The following FILIP1L variants were observed in gnomAD, a reference collection of about 807,000 sequenced individuals.
The protein encoded by FILIP1L is filamin A-interacting protein 1-like.
In FILIP1L, 55 loss-of-function variants were observed where a neutral mutation model predicts 96.6. That is an observed-to-expected ratio of 0.57 (90% CI 0.46 to 0.71). The LOEUF (loss-of-function observed/expected upper bound fraction) is 0.71. Among genes scored for constraint, FILIP1L ranks in the 30% least tolerant of loss-of-function variants. FILIP1L has a pLI of 0.00. For missense variants in FILIP1L, 1,304 were observed against 1,321.2 expected (o/e 0.99, Z 0.20); for synonymous variants, 467 against 473.9 (o/e 0.99, Z 0.19).
intron 1 of FILIP1L, among the ~76,000 whole-genome samples, chr3:100,071,090 C>T (rs367675958): frequency 3.8e-4 from 27 of 70,574 alleles, no homozygotes; most frequent in East Asian, 9.8e-4. Flanking sequence ...GCTACTCTCT[C>T]TTTTTTTTTT....
chr3:99,972,408 C>G (rs1708849202), intron 1 of FILIP1L, among the ~76,000 whole-genome samples: 1 of 152,210 alleles, frequency 6.6e-6, no homozygotes. Flanking sequence ...TGAGAAGCCT[C>G]TGTCTTGCAG....
In FILIP1L at chr3:99,829,020, G is replaced by T. The variant is rs1266159901; in HGVS notation, c.*1394C>A. On this transcript the variant is annotated 3_prime_UTR_variant, in exon 6 of 6. Transcript: ENST00000477258. Reference sequence around the variant, plus strand: ...CCTTCTCCTCCTTGAAATTGCAGGGGCCTGGGGGTGTTTGTACAGTGGCAT... The same window carrying T: ...CCTTCTCCTCCTTGAAATTGCAGGGTCCTGGGGGTGTTTGTACAGTGGCAT... 6.6e-6 allele frequency among the ~76,000 whole-genome samples: 1 copy of T among 151,952 alleles called. No homozygotes were observed. The highest frequency in any genetic ancestry group is 6.6e-5 in the Admixed American group (1 of 15,260).
intron 1 of FILIP1L, among the ~76,000 whole-genome samples, chr3:99,983,134 A>C (rs1017721027): frequency 6.6e-6 from 1 of 151,542 alleles, no homozygotes; most frequent in African/African-American, 2.4e-5. Flanking sequence ...CTATTATCTC[A>C]CTTGCCTTAA....
chr3:100,082,805 G>A (rs748286196), intron 1 of FILIP1L, among the ~76,000 whole-genome samples: 3 of 152,166 alleles, frequency 2.0e-5, no homozygotes, highest in Non-Finnish European at 4.4e-5. Context: ...CAGCATGGTA[G>A]TCATAGACTT....
At position 99,916,437 on chromosome 3, in the gene FILIP1L, T is replaced by TACACACACACAC. The variant is rs10529210; in HGVS notation, c.605+7781_605+7792dup. On this transcript the variant is annotated intron_variant, in intron 4 of 5. Transcript: ENST00000477258. Reference sequence around the variant, plus strand: ...GCCAACACTTTATAATAACGGTTTATACACACACACACACACACACACACA... The same window carrying TACACACACACAC: ...GCCAACACTTTATAATAACGGTTTATACACACACACACACACACACACACACACACACACACA... 5.2e-3 allele frequency among the ~76,000 whole-genome samples: 715 copies of TACACACACACAC among 137,140 alleles called. 10 individuals are homozygous for TACACACACACAC. The highest frequency in any genetic ancestry group is 0.018 in the African/African-American group (653 of 35,966). 90.0% of individuals were successfully genotyped at this position (137,140 alleles called of 152,430 possible). A position where few individuals can be genotyped will look rare whatever the true frequency, so the allele number is the denominator to read the frequency against.
chr3:100,080,204 A>C (rs555316462), intron 1 of FILIP1L, among the ~76,000 whole-genome samples: 66 of 152,234 alleles, frequency 4.3e-4, no homozygotes, highest in African/African-American at 1.6e-3. Flanking sequence ...GGCTGGTCTC[A>C]AACTCCTGAG....
intron 4 of FILIP1L, among the ~76,000 whole-genome samples, chr3:99,901,671 A>G (rs1043422179): frequency 9.9e-5 from 15 of 152,228 alleles, no homozygotes; most frequent in African/African-American, 3.4e-4. Flanking sequence ...CTCTTTGCAT[A>G]ATCAAGTTGT....
intron 1 of FILIP1L, among the ~76,000 whole-genome samples, chr3:100,066,517 C>CTTTTTTTTTTTTTTTTTTTTTTTTTTTT (rs545356638): frequency 2.6e-5 from 1 of 38,304 alleles, no homozygotes; most frequent in Non-Finnish European, 4.4e-5. Flanking sequence ...GGCTTTGCTT[C>CTTTTTTTTTTTTTTTTTTTTTTTTTTTT]TTTTTTTTTT....
intron 1 of FILIP1L, among the ~76,000 whole-genome samples, chr3:100,046,970 A>G (rs137902268): frequency 0.015 from 2,320 of 152,340 alleles, 54 homozygotes; most frequent in African/African-American, 0.052. Flanking sequence ...ATGGAGAAAG[A>G]GGCTGTTATT....
In FILIP1L at chr3:100,025,790, G is replaced by A. The variant is rs565214628; in HGVS notation, c.-11+88263C>T. Among the ~76,000 whole-genome samples, 367 of 152,270 alleles carry A rather than the reference G, an allele frequency of 2.4e-3. 1 individual carries two copies. The highest frequency in any genetic ancestry group is 8.3e-3 in the African/African-American group (346 of 41,566). On this transcript the variant is annotated intron_variant, in intron 1 of 5. Transcript: ENST00000477258. ...GATTCACATATACATTAGAGTTTGA[G>A]AAGCTCTGCTGTAGTCGACCTCCAT...
intron 5 of FILIP1L, among the ~76,000 whole-genome samples, chr3:99,840,910 T>G (rs1474719837): frequency 2.0e-5 from 3 of 152,238 alleles, no homozygotes; most frequent in Non-Finnish European, 4.4e-5. Context: ...TACTGTGGTC[T>G]TCCTTAATCT....
intron 4 of FILIP1L, among the ~76,000 whole-genome samples, chr3:99,909,494 A>G (rs962481702): frequency 3.3e-5 from 5 of 152,198 alleles, no homozygotes; most frequent in Non-Finnish European, 5.9e-5. Context: ...AAATTTGTGA[A>G]TAATGAAAAG....
chr3:99,873,009 C>G (rs1320293570), intron 4 of FILIP1L, among the ~76,000 whole-genome samples: 1 of 151,820 alleles, frequency 6.6e-6, no homozygotes, highest in African/African-American at 2.4e-5. Flanking sequence ...CAAAATGACT[C>G]AAAACATGAA....
chr3:100,076,492 T>C (rs1186258090), intron 1 of FILIP1L, among the ~76,000 whole-genome samples: 1 of 152,252 alleles, frequency 6.6e-6, no homozygotes, highest in Non-Finnish European at 1.5e-5. Context: ...CTATTTCTGT[T>C]ATATTGCAAA....
intron 1 of FILIP1L, among the ~76,000 whole-genome samples, chr3:99,957,964 T>A (rs2107698398): frequency 6.6e-6 from 1 of 150,444 alleles, no homozygotes; most frequent in South Asian, 2.1e-4. Flanking sequence ...AAACAGCACA[T>A]CACAAAGCAT....
chr3:99,988,907 C>T (rs1361801251), intron 1 of FILIP1L, among the ~76,000 whole-genome samples: 4 of 152,144 alleles, frequency 2.6e-5, no homozygotes, highest in East Asian at 1.9e-4. Context: ...TTTCAGCACT[C>T]GGAGTAATTG....
chr3:99,950,122 G>A (rs1194710925), intron 1 of FILIP1L, among the ~76,000 whole-genome samples: 1 of 152,178 alleles, frequency 6.6e-6, no homozygotes, highest in Non-Finnish European at 1.5e-5. Flanking sequence ...ACAAAAGTAG[G>A]TAAAGTTTAT....
chr3:99,993,542 C>T (rs1709585997), intron 1 of FILIP1L, among the ~76,000 whole-genome samples: 1 of 151,994 alleles, frequency 6.6e-6, no homozygotes, highest in African/African-American at 2.4e-5. Flanking sequence ...AGTGGGCATC[C>T]TTGTCTTGTT....
intron 5 of FILIP1L, among the ~76,000 whole-genome samples, chr3:99,846,722 A>G (rs1374210711): frequency 6.6e-6 from 1 of 152,220 alleles, no homozygotes; most frequent in African/African-American, 2.4e-5. Flanking sequence ...CTATCATGAA[A>G]TTGATTTTGT....
Sources: gnomAD v4.1 joint callset for allele counts (sites outside exome capture counted in the v4.1 genomes callset) on GRCh38, gnomAD v4.1.1 for gene constraint, MANE v1.5 for transcripts, NCBI Gene and HGNC (gene_info 2026-07-23, HGNC 2026-07-21) for gene names.